Variants in SULF1 observed in about 807,000 individuals in gnomAD.
SULF1 encodes the protein extracellular sulfatase Sulf-1.
A neutral mutation model predicts 110.5 loss-of-function variants in SULF1; 46 were observed. The observed-to-expected ratio is 0.42, with a 90% confidence interval of 0.33 to 0.53. The LOEUF (loss-of-function observed/expected upper bound fraction) is 0.53. Among genes scored for constraint, SULF1 ranks in the 20% least tolerant of loss-of-function variants. The pLI is 0.12. For missense variants in SULF1, 941 were observed against 1,094.2 expected (o/e 0.86, Z 1.98); for synonymous variants, 371 against 387.1 (o/e 0.96, Z 0.49).
rs146640663 is a variant in SULF1 at position 69,478,875 on chromosome 8, T to C, written c.-391+11925T>C. 3.7e-3 allele frequency among the ~76,000 whole-genome samples: 570 copies of C among 152,304 alleles called. 5 individuals are homozygous for C. The highest frequency in any genetic ancestry group is 0.013 in the African/African-American group (537 of 41,570). ...GTAGAGCCAGTACATCCTAAAGGCC[T>C]TCATTACACATTCACAGTTAGAATG... On this transcript the variant is annotated intron_variant, in intron 1 of 22. Transcript: ENST00000260128.
At chr8:69,467,088 C>T (rs955732223) in intron 1 of SULF1, 1 of 152,136 alleles carries the variant, frequency 6.6e-6, no homozygotes, top group Admixed American at 6.5e-5. Flanking sequence ...TGACAGATGA[C>T]GGTGAGCATA....
chr8:69,540,248 C>T (rs898484614), intron 3 of SULF1, among the ~76,000 whole-genome samples: 1 of 152,168 alleles, frequency 6.6e-6, no homozygotes, highest in African/African-American at 2.4e-5. Flanking sequence ...GATAAAGACA[C>T]TAATAAGACC....
chr8:69,628,148 C>T (rs1810242656), intron 17 of SULF1, 23 bp from the exon 18 acceptor site: 1 of 1,600,928 alleles, frequency 6.2e-7, no homozygotes, highest in African/African-American at 1.3e-5. Flanking sequence ...TGAAGTCTCA[C>T]TTTTTAATCT....
intron 19 of SULF1, 72 bp from the exon 20 acceptor site, chr8:69,638,430 A>G (rs1811218995): frequency 5.9e-6 from 9 of 1,529,148 alleles, no homozygotes; most frequent in Admixed American, 4.2e-5. Context: ...ATAAGGGAAC[A>G]CTGGAATGGC....
chr8:69,526,302 T>C (rs550156190), intron 3 of SULF1, among the ~76,000 whole-genome samples: 5 of 152,258 alleles, frequency 3.3e-5, no homozygotes, highest in African/African-American at 1.2e-4. Context: ...TAGCTGTGTC[T>C]TGATGCAAAA....
chr8:69,516,365 A>C lies in SULF1; in HGVS notation c.-134+14397A>C, dbSNP rs911528946. Among the ~76,000 whole-genome samples the C allele has an allele frequency of 7.1e-5, 10 of 139,940 alleles. No homozygotes were observed. In the East Asian group the frequency reaches 2.1e-3, roughly 30 times the overall value. The allele number at this position is 139,940 out of a possible 152,430, so 91.8% of individuals were successfully genotyped here. On this transcript the variant is annotated intron_variant, in intron 3 of 22. Coordinates refer to ENST00000402687, the MANE Select transcript of SULF1 (RefSeq NM_001128205.2). ...GCTGAAGCAGGAGGAAGGGAGAGTAAAGGGAGAAGTGCTACACACTTAAAA... is the reference window on the plus strand; with the variant it reads ...GCTGAAGCAGGAGGAAGGGAGAGTACAGGGAGAAGTGCTACACACTTAAAA...
chr8:69,524,154 G>A (rs1812511025), intron 3 of SULF1, among the ~76,000 whole-genome samples: 1 of 78,332 alleles, frequency 1.3e-5, no homozygotes, highest in African/African-American at 6.4e-5. Flanking sequence ...CATGGAGGGA[G>A]GGAGAAAGGG....
At chr8:69,543,957 TGTC>T (rs1814045405) in intron 3 of SULF1, among the ~76,000 whole-genome samples, 1 of 152,214 alleles carries the variant, frequency 6.6e-6, no homozygotes, top group Non-Finnish European at 1.5e-5. Flanking sequence ...ATATAATCAA[TGTC>T]AGTATTTTCC....
At chr8:69,482,682 A>G (rs1809558099) in intron 1 of SULF1, among the ~76,000 whole-genome samples, 1 of 152,178 alleles carries the variant, frequency 6.6e-6, no homozygotes, top group Non-Finnish European at 1.5e-5. Flanking sequence ...CTGGTATGTA[A>G]GTGTTCTTTC....
intron 1 of SULF1, among the ~76,000 whole-genome samples, chr8:69,486,909 G>A (rs1029202780): frequency 6.6e-5 from 10 of 152,172 alleles, no homozygotes; most frequent in Non-Finnish European, 1.2e-4. Flanking sequence ...CAAGGCATGC[G>A]CGCACTTACT....
At chr8:69,658,281 G>A (rs1812871699) in intron 22 of SULF1, among the ~76,000 whole-genome samples, 1 of 152,142 alleles carries the variant, frequency 6.6e-6, no homozygotes, top group Non-Finnish European at 1.5e-5. Flanking sequence ...ACCATGCTTA[G>A]TCATAGATGT....
chr8:69,647,232 T>C (rs112870952), intron 22 of SULF1, among the ~76,000 whole-genome samples: 7,717 of 151,582 alleles, frequency 0.051, 677 homozygotes, highest in African/African-American at 0.18. Context: ...TATGAGCCAC[T>C]GCGCCTGGCT....
chr8:69,643,136 G>T (rs1193693552), intron 22 of SULF1, among the ~76,000 whole-genome samples: 1 of 152,206 alleles, frequency 6.6e-6, no homozygotes, highest in Admixed American at 6.5e-5. Context: ...ATATCCACAT[G>T]GTGGGCAGGA....
intron 13 of SULF1, among the ~76,000 whole-genome samples, chr8:69,614,092 T>C (rs1394560964): frequency 6.6e-6 from 1 of 151,902 alleles, no homozygotes; most frequent in African/African-American, 2.4e-5. Flanking sequence ...TGGGTGTATG[T>C]ATGTAATAAT....
At chr8:69,517,332 T>TCA (rs1267428796) in intron 3 of SULF1, among the ~76,000 whole-genome samples, 1 of 152,196 alleles carries the variant, frequency 6.6e-6, no homozygotes, top group African/African-American at 2.4e-5. Flanking sequence ...TGTAATACCA[T>TCA]CACAATGGCA....
At position 69,604,813 on chromosome 8, in the gene SULF1, C is replaced by T. The variant is rs1050830196; in HGVS notation, c.1258C>T (p.Arg420Cys). Residue 420 changes from arginine (R) to cysteine (C), a missense_variant, in exon 13 of 23, where the codon CGT becomes TGT. Coordinates refer to ENST00000402687, the MANE Select transcript of SULF1 (RefSeq NM_001128205.2). ...TFLVERGKFL[R>C]KKEESSKNIQ... Reference sequence around the variant, plus strand: ...CCCTTTTTGTCGAAGCAAATTTCTACGTAAGAAGGAAGAATCCAGCAAGAA... The same window carrying T: ...CCCTTTTTGTCGAAGCAAATTTCTATGTAAGAAGGAAGAATCCAGCAAGAA... 20 of 1,613,874 alleles carry T rather than the reference C, an allele frequency of 1.2e-5. No individual in the cohort carries two copies. Among genetic ancestry groups the T allele is most frequent in the African/African-American group, 6.7e-5 (5 of 74,962 alleles).
At chr8:69,564,207 AG>A in intron 5 of SULF1, 60 bp downstream of exon 5, 1 of 1,579,324 alleles carries the variant, frequency 6.3e-7, no homozygotes, top group Non-Finnish European at 8.7e-7. Context: ...CTCGAGTCTC[AG>A]GATTATCAGG....
At chr8:69,568,193 G>A (rs1381223593) in intron 5 of SULF1, among the ~76,000 whole-genome samples, 3 of 152,124 alleles carry the variant, frequency 2.0e-5, no homozygotes, top group Admixed American at 2.0e-4. Flanking sequence ...TGGCTACTGT[G>A]CCTCCAAAAA....
intron 14 of SULF1, among the ~76,000 whole-genome samples, chr8:69,621,549 G>T (rs1809610691): frequency 6.6e-6 from 1 of 152,196 alleles, no homozygotes; most frequent in Non-Finnish European, 1.5e-5. Context: ...TAAAGGATAT[G>T]GTTTAAGTCC....
Sources: gnomAD v4.1 joint callset for allele counts (sites outside exome capture counted in the v4.1 genomes callset) on GRCh38, gnomAD v4.1.1 for gene constraint, MANE v1.5 for transcripts, NCBI Gene and HGNC (gene_info 2026-07-23, HGNC 2026-07-21) for gene names.